The following MEF2A variants were observed in gnomAD, a reference collection of about 807,000 sequenced individuals.
The protein encoded by MEF2A is myocyte enhancer factor 2A, also known as myocyte-specific enhancer factor 2A.
In MEF2A, 28 loss-of-function variants were observed where a neutral mutation model predicts 55.8. The ratio of observed to expected loss-of-function variants is 0.50; its 90% CI spans 0.37 to 0.69. The LOEUF is 0.69. MEF2A is among the 30% of genes least tolerant of loss of function. MEF2A has a pLI of 0.00. For synonymous variants in MEF2A, 239 were observed against 227.1 expected, an observed-to-expected ratio of 1.05 and a Z score of -0.47; for missense variants, 528 against 626.2, an observed-to-expected ratio of 0.84 and a Z score of 1.67.
chr15:99,669,659 T>G (rs1440261225), intron 4 of MEF2A, among the ~76,000 whole-genome samples: 2 of 152,250 alleles, frequency 1.3e-5, no homozygotes, highest in South Asian at 2.1e-4. Context: ...TACTAATGAT[T>G]GTTTATGATT....
chr15:99,711,076 T>G (rs1048280421), intron 11 of MEF2A, among the ~76,000 whole-genome samples: 1 of 152,170 alleles, frequency 6.6e-6, no homozygotes, highest in African/African-American at 2.4e-5. Flanking sequence ...GCACCATCCT[T>G]CTGCCCTCTG....
chr15:99,613,539 C>A (rs2039666413), intron 2 of MEF2A, among the ~76,000 whole-genome samples: 1 of 152,054 alleles, frequency 6.6e-6, no homozygotes, highest in African/African-American at 2.4e-5. Flanking sequence ...TGAGAGGAGT[C>A]ATTTATTTCT....
intron 8 of MEF2A, among the ~76,000 whole-genome samples, chr15:99,693,123 C>G (rs1451136787): frequency 1.3e-5 from 2 of 152,152 alleles, no homozygotes; most frequent in African/African-American, 2.4e-5. Flanking sequence ...AGGCTCAAAC[C>G]CAGTCCAGCT....
Position 99,674,802 on chromosome 15 carries a change from A to C in MEF2A, c.610+190A>C, listed in dbSNP as rs527594194. Among the ~76,000 whole-genome samples, 7 of 152,312 alleles carry C rather than the reference A, an allele frequency of 4.6e-5. No homozygotes were observed. The East Asian group carries it at 1.3e-3, about 29-fold the overall frequency. On this transcript the variant is annotated intron_variant, in intron 6 of 11. Coordinates refer to ENST00000557942, the MANE Select transcript of MEF2A (RefSeq NM_001319206.4). The stretch of plus-strand genomic sequence containing the variant: ...GTGGGTGTAGCATTGTGTCATGCAA[A>C]GTAGAACAGTACTGAGAACCTGCCA...
At chr15:99,643,489 GTATTC>G (rs1202941707) in intron 3 of MEF2A, among the ~76,000 whole-genome samples, 1 of 151,526 alleles carries the variant, frequency 6.6e-6, no homozygotes, top group Non-Finnish European at 1.5e-5. Context: ...TTCCTCCATT[GTATTC>G]TATTTTGTTT....
chr15:99,621,271 T>C lies in MEF2A; in HGVS notation c.-142-11707T>C, dbSNP rs887482171. On this transcript the variant is annotated intron_variant, in intron 2 of 11. Transcript: ENST00000557942. ...CACCTTTTTAATGGCTACAGTATTG[T>C]AGGGACAGGCCACCTCTGTAGGCTT... is the stretch of plus-strand genomic sequence containing the variant. 2.6e-5 allele frequency among the ~76,000 whole-genome samples: 4 copies of C among 152,310 alleles called. No homozygotes were observed. In the South Asian group the frequency reaches 6.2e-4, roughly 24 times the overall value.
chr15:99,656,154 A>C (rs1227518467), intron 4 of MEF2A, among the ~76,000 whole-genome samples: 1 of 152,148 alleles, frequency 6.6e-6, no homozygotes, highest in Non-Finnish European at 1.5e-5. Context: ...GTAGGGACAA[A>C]AATATAAAAT....
intron 8 of MEF2A, among the ~76,000 whole-genome samples, chr15:99,701,462 C>T (rs1447599799): frequency 6.6e-6 from 1 of 152,092 alleles, no homozygotes; most frequent in East Asian, 1.9e-4. Flanking sequence ...GCAGAGGAGA[C>T]GAAGGAGATG....
chr15:99,640,508 CCT>C (rs959518088), intron 3 of MEF2A, among the ~76,000 whole-genome samples: 14 of 150,936 alleles, frequency 9.3e-5, no homozygotes, highest in African/African-American at 3.4e-4. Flanking sequence ...TTCCTTCCTC[CCT>C]CTCTCCCTCC....
At chr15:99,629,092 T>G (rs999251462) in intron 2 of MEF2A, among the ~76,000 whole-genome samples, 62 of 152,176 alleles carry the variant, frequency 4.1e-4, no homozygotes, top group African/African-American at 1.5e-3. Context: ...TAACTCTTAT[T>G]GTTGCTTCTT....
intron 9 of MEF2A, among the ~76,000 whole-genome samples, chr15:99,704,941 G>A (rs1470134766): frequency 6.6e-6 from 1 of 152,112 alleles, no homozygotes; most frequent in Non-Finnish European, 1.5e-5. Flanking sequence ...AATATATTAG[G>A]TCCTTGAAGA....
chr15:99,568,865 G>T (rs1960873049), intron 1 of MEF2A, among the ~76,000 whole-genome samples: 2 of 152,140 alleles, frequency 1.3e-5, no homozygotes, highest in Admixed American at 1.3e-4. Flanking sequence ...AAGTCTAGCT[G>T]AAGTTTTCTT....
chr15:99,705,778 G>C (rs2057964355), intron 9 of MEF2A, among the ~76,000 whole-genome samples: 1 of 152,160 alleles, frequency 6.6e-6, no homozygotes. Flanking sequence ...ATACTTTACT[G>C]ATTTGGCTCA....
chr15:99,643,643 G>A (rs1019551605), intron 3 of MEF2A, among the ~76,000 whole-genome samples: 3 of 150,336 alleles, frequency 2.0e-5, no homozygotes, highest in Non-Finnish European at 3.0e-5. Flanking sequence ...CCAGGCTGGA[G>A]TGCAGTGGTG....
At chr15:99,690,114 A>G (rs546438976) in intron 7 of MEF2A, 127 bp from the exon 8 acceptor site, 2 of 841,846 alleles carry the variant, frequency 2.4e-6, no homozygotes, top group East Asian at 5.3e-5. Context: ...GACAAGGGAT[A>G]CTCAAACCTG....
chr15:99,714,426 A>G lies in MEF2A; in HGVS notation c.*1655A>G, dbSNP rs983301244. Reference sequence around the variant, plus strand: ...TTTTTCCTTGACCCTCTGAAAACAGAACGATGCAGCTGGTTACAAAATCCT... The same window carrying G: ...TTTTTCCTTGACCCTCTGAAAACAGGACGATGCAGCTGGTTACAAAATCCT... On this transcript the variant is annotated 3_prime_UTR_variant, in exon 12 of 12. Transcript: ENST00000557942. The G allele has an allele frequency of 5.3e-5, 8 of 152,226 alleles. No individual in the cohort carries two copies. Among genetic ancestry groups the G allele is most frequent in the African/African-American group, 1.7e-4 (7 of 41,450 alleles). The allele number at this position is 152,226 out of a possible 1,614,324, so 9.4% of individuals were successfully genotyped here.
At chr15:99,656,291 C>T (rs1398211348) in intron 4 of MEF2A, among the ~76,000 whole-genome samples, 1 of 152,034 alleles carries the variant, frequency 6.6e-6, no homozygotes, top group Non-Finnish European at 1.5e-5. Context: ...TTACTTCCAG[C>T]CTTTAGAGAA....
intron 2 of MEF2A, among the ~76,000 whole-genome samples, chr15:99,617,245 G>C (rs1219637835): frequency 7.1e-6 from 1 of 141,102 alleles, no homozygotes; most frequent in African/African-American, 2.5e-5. Context: ...TCATTTTTAA[G>C]GCCATATATG....
At chr15:99,634,001 CT>C (rs958705112) in intron 3 of MEF2A, among the ~76,000 whole-genome samples, 1 of 152,256 alleles carries the variant, frequency 6.6e-6, no homozygotes, top group African/African-American at 2.4e-5. Flanking sequence ...TTACCAACTC[CT>C]TAGTTCAGAA....
Sources: allele counts gnomAD v4.1 joint callset (sites outside exome capture counted in the v4.1 genomes callset), GRCh38; gene constraint gnomAD v4.1.1; transcripts MANE v1.5; gene names NCBI Gene and HGNC (gene_info 2026-07-23, HGNC 2026-07-21).